KIF1A: variants seen among roughly 807,000 people sequenced by gnomAD.
KIF1A encodes the protein kinesin-like protein KIF1A.
Under a neutral mutation model 227.3 loss-of-function variants are expected in KIF1A, and 46 were observed. The observed-to-expected ratio is 0.20, with a 90% CI of 0.16 to 0.26. The LOEUF (loss-of-function observed/expected upper bound fraction) is 0.26, where lower values mean the gene tolerates loss of function less well. KIF1A is among the 10% of genes least tolerant of loss of function. The probability of loss-of-function intolerance (pLI) is 1.00; values close to 1 mark genes in which losing one functional copy is unlikely to be tolerated. For synonymous variants in KIF1A, 1,022 were observed against 1,012.8 expected, an observed-to-expected ratio of 1.01 and a Z score of -0.17; for missense variants, 1,683 against 2,485.9, an observed-to-expected ratio of 0.68 and a Z score of 6.87.
intron 16 of KIF1A, 133 bp from the exon 17 acceptor site, chr2:240,769,341 G>C: frequency 1.3e-6 from 1 of 742,716 alleles, no homozygotes; most frequent in African/African-American, 1.7e-5. Context: ...GTCCCATCTG[G>C]TCACTGGGTT....
chr2:240,717,231 TG>T lies in KIF1A; in HGVS notation c.*132del. ...GTGGCACAGGTCCCCGGGCCTGGCA[TG>T]GGCGTCCCCTGGGGGGTCGACCCGG... On this transcript the variant is annotated 3_prime_UTR_variant, in exon 49 of 49. Transcript: ENST00000498729. 1.3e-6 allele frequency: 1 copy of T among 792,244 alleles called. No individual in the cohort carries two copies. The highest frequency in any genetic ancestry group is 1.7e-5 in the South Asian group (1 of 59,842). The allele number at this position is 792,244 out of a possible 1,614,324, so 49.1% of individuals were successfully genotyped here. A position where few individuals can be genotyped will look rare whatever the true frequency, so the allele number is the denominator to read the frequency against.
At chr2:240,733,638 T>C (rs1409289650) in intron 38 of KIF1A, among the ~76,000 whole-genome samples, 1 of 152,116 alleles carries the variant, frequency 6.6e-6, no homozygotes, top group Non-Finnish European at 1.5e-5. Context: ...TTGTCAATCA[T>C]CTGTCCTGAC....
chr2:240,726,845 G>A lies in KIF1A; in HGVS notation c.4103C>T (p.Thr1368Ile). The A allele has an allele frequency of 6.2e-7, 1 of 1,610,010 alleles. No individual in the cohort carries two copies. The highest frequency in any genetic ancestry group is 8.5e-7 in the Non-Finnish European group (1 of 1,177,388). ...VTPYREKIYM[T>I]LSAYIEMENC... ...CCTTGCCTCGATATAAGCGGAGAGT[G>A]TCATGTAGATTTTCTCTCGATAAGG... Residue 1368 changes from threonine to isoleucine, a missense_variant, in exon 39 of 49, where the codon ACA (threonine) becomes ATA (isoleucine). Physicochemically the swap from Thr to Ile is moderately conservative, Grantham distance 89. Coordinates refer to ENST00000498729, the MANE Select transcript of KIF1A (RefSeq NM_001244008.2). This position sits in a 1 kb window ranked among gnomAD's most constrained non-coding sequence, Gnocchi z 5.2.
chr2:240,728,987 CA>C (rs1317488025), intron 38 of KIF1A, among the ~76,000 whole-genome samples: 1 of 152,218 alleles, frequency 6.6e-6, no homozygotes, highest in African/African-American at 2.4e-5. Context: ...TTGTACACAT[CA>C]GCATCACTAT....
At position 240,788,041 on chromosome 2, in the gene KIF1A, C is replaced by CCCCAAGG; in HGVS notation, c.363+9_363+10insCCTTGGG. 6.6e-7 allele frequency: 1 copy of CCCCAAGG among 1,520,668 alleles called. No individual in the cohort carries two copies. Among genetic ancestry groups the CCCCAAGG allele is most frequent in the Non-Finnish European group, 8.9e-7 (1 of 1,121,304 alleles). 94.2% of individuals were successfully genotyped at this position (1,520,668 alleles called of 1,614,324 possible). A position where few individuals can be genotyped will look rare whatever the true frequency, so the allele number is the denominator to read the frequency against. On this transcript the variant is annotated intron_variant, in intron 4 of 48. Coordinates refer to ENST00000498729, the MANE Select transcript of KIF1A (RefSeq NM_001244008.2). The surrounding 1 kb of genome is among the most constrained non-coding windows in gnomAD (Gnocchi z 6.6). ...GCCAGGGCTGCCCCCGCCCGCCCCC[C>CCCCAAGG]GCTTCGTGCCTGTGGGATGATGCCC...
At chr2:240,780,798 C>CCACACA (rs534367981) in intron 10 of KIF1A, among the ~76,000 whole-genome samples, 19 of 34,934 alleles carry the variant, frequency 5.4e-4, no homozygotes, top group African/African-American at 3.5e-3. Context: ...ACACACAGCT[C>CCACACA]CACACACACA....
chr2:240,788,304 C>T lies in KIF1A; in HGVS notation c.184-74G>A, dbSNP rs1260480184. On this transcript the variant is annotated intron_variant, in intron 3 of 48. Coordinates refer to ENST00000498729, the MANE Select transcript of KIF1A (RefSeq NM_001244008.2). The surrounding 1 kb of genome is among the most constrained non-coding windows in gnomAD (Gnocchi z 6.6). ...GGCTCAGCCCATCATGTCTGCGGAG[C>T]CAGGGGATGCCCAGGGCCTCAGGGT... 2.8e-6 allele frequency: 4 copies of T among 1,421,876 alleles called. No individual in the cohort carries two copies. The highest frequency in any genetic ancestry group is 3.9e-6 in the Non-Finnish European group (4 of 1,020,320). 88.1% of individuals were successfully genotyped at this position (1,421,876 alleles called of 1,614,324 possible).
rs1224060776 is a variant in KIF1A, at chr2:240,740,068, C to T, written c.3891G>A (p.Glu1297=). The T allele has an allele frequency of 1.3e-6, 2 of 1,584,782 alleles. No individual in the cohort carries two copies. Among genetic ancestry groups the T allele is most frequent in the South Asian group, 2.3e-5 (2 of 86,352 alleles). ...CCACACCGCACTCACCCACGACCAGCTCGCGCACTTCCTTCCAGCGGATAT... is the reference window on the plus strand; with the variant it reads ...CCACACCGCACTCACCCACGACCAGTTCGCGCACTTCCTTCCAGCGGATAT... ...GSHIRWKEVR[E]LVVGRIRNTP... Residue 1297 remains glutamate, a synonymous_variant, in exon 37 of 49, where the codon GAG becomes GAA. Transcript: ENST00000498729. This position sits in a 1 kb window ranked among gnomAD's most constrained non-coding sequence, Gnocchi z 6.1.
At chr2:240,718,574 G>A (rs1232479929) in intron 47 of KIF1A, among the ~76,000 whole-genome samples, 1 of 152,220 alleles carries the variant, frequency 6.6e-6, no homozygotes, top group Non-Finnish European at 1.5e-5. Context: ...CAGCCTGAAG[G>A]AGTCCAGGCT....
chr2:240,807,122 G>GTA (rs1559545378), intron 1 of KIF1A, among the ~76,000 whole-genome samples: 17 of 91,572 alleles, frequency 1.9e-4, no homozygotes, highest in South Asian at 1.2e-3. Flanking sequence ...GTGTGTGTGT[G>GTA]TGTGTGTGTA....
chr2:240,818,317 G>C (rs2058472517), intron 1 of KIF1A, among the ~76,000 whole-genome samples: 1 of 152,126 alleles, frequency 6.6e-6, no homozygotes, highest in Non-Finnish European at 1.5e-5. Flanking sequence ...GGTAAAGGCT[G>C]CCCTCCTCCG....
intron 27 of KIF1A, among the ~76,000 whole-genome samples, chr2:240,755,837 C>A (rs1468856107): frequency 6.6e-6 from 1 of 152,180 alleles, no homozygotes; most frequent in African/African-American, 2.4e-5. Flanking sequence ...ACTCCTGGGG[C>A]CCAGGAGGTG....
rs2055581415 is a variant in KIF1A at position 240,790,903 on chromosome 2, C to A, written c.107-1591G>T. Among the ~76,000 whole-genome samples the A allele has an allele frequency of 6.6e-6, 1 of 152,172 alleles. No homozygotes were observed. The highest frequency in any genetic ancestry group is 6.5e-5 in the Admixed American group (1 of 15,278). Reference sequence around the variant, plus strand: ...TGGCCTCCAGAATCACGAGACAGCACACTTCTGTTTGCGGTGCTTCCTTAT... The same window carrying A: ...TGGCCTCCAGAATCACGAGACAGCAAACTTCTGTTTGCGGTGCTTCCTTAT... On this transcript the variant is annotated intron_variant, in intron 2 of 48. Coordinates refer to ENST00000498729, the MANE Select transcript of KIF1A (RefSeq NM_001244008.2). The surrounding 1 kb of genome is among the most constrained non-coding windows in gnomAD (Gnocchi z 5.0).
chr2:240,785,258 C>T (rs1465471975), intron 6 of KIF1A, among the ~76,000 whole-genome samples, 158 bp from the exon 7 acceptor site: 4 of 152,234 alleles, frequency 2.6e-5, no homozygotes, highest in Non-Finnish European at 4.4e-5. Flanking sequence ...CGCCTCCTGC[C>T]AGGACTCCAG....
chr2:240,737,523 C>T (rs1490209026), intron 37 of KIF1A: 2 of 133,788 alleles, frequency 1.5e-5, no homozygotes, highest in Non-Finnish European at 3.1e-5. Flanking sequence ...CTTCTTCTTA[C>T]ACCAAAAAGT....
intron 38 of KIF1A, among the ~76,000 whole-genome samples, chr2:240,727,916 G>GAGGTTCTTGTAAGCTC (rs2046215340): frequency 1.3e-5 from 2 of 152,326 alleles, no homozygotes; most frequent in South Asian, 4.1e-4. Flanking sequence ...CATACCCGAG[G>GAGGTTCTTGTAAGCTC]TGGACAATTT....
Position 240,783,058 on chromosome 2 carries a change from C to A in KIF1A, c.850G>T (p.Ala284Ser), listed in dbSNP as rs756136593. The A allele has an allele frequency of 1.2e-6, 2 of 1,613,514 alleles. No homozygotes were observed. Among genetic ancestry groups the A allele is most frequent in the Non-Finnish European group, 1.7e-6 (2 of 1,179,624 alleles). ...SLTTLGKVIS[A>S]LAEMDSGPNK... is the part of the protein sequence containing the mutation. ...GGGCCACTCACCATTTCAGCCAGGG[C>A]GGAGATGACCTTGCCCAGGGTGGTC... is the stretch of plus-strand genomic sequence containing the variant. Residue 284 changes from alanine to serine, a missense_variant, in exon 9 of 49, where the codon GCC becomes TCC. Physicochemically the swap from Ala to Ser is moderately conservative, Grantham distance 99 (BLOSUM62 1). Coordinates refer to ENST00000498729, the MANE Select transcript of KIF1A (RefSeq NM_001244008.2).
intron 1 of KIF1A, among the ~76,000 whole-genome samples, chr2:240,801,498 A>C (rs2056959249): frequency 6.6e-6 from 1 of 152,254 alleles, no homozygotes; most frequent in East Asian, 1.9e-4. Context: ...TATAGGACAC[A>C]GTGAAATGGT....
intron 10 of KIF1A, among the ~76,000 whole-genome samples, chr2:240,777,965 G>A (rs550875611): frequency 4.5e-4 from 69 of 151,974 alleles, no homozygotes; most frequent in Non-Finnish European, 7.5e-4. Flanking sequence ...TGTCAGTCCC[G>A]CACGCTCAAG....
Sources: allele counts gnomAD v4.1 joint callset (sites outside exome capture counted in the v4.1 genomes callset), GRCh38; gene constraint gnomAD v4.1.1; non-coding constraint Gnocchi (gnomAD v3.1); transcripts MANE v1.5; gene names NCBI Gene and HGNC (gene_info 2026-07-23, HGNC 2026-07-21).